Variants in CCDC85A observed in about 807,000 individuals in gnomAD.
CCDC85A encodes coiled-coil domain-containing protein 85A.
CCDC85A carries 38 observed loss-of-function variants against 50.2 expected under a neutral mutation model. That is an observed-to-expected ratio of 0.76 (90% CI 0.58 to 0.99). The LOEUF (loss-of-function observed/expected upper bound fraction) is 0.99, where lower values mean the gene tolerates loss of function less well. Among genes scored for constraint, CCDC85A ranks in the 50% least tolerant of loss-of-function variants. The probability of loss-of-function intolerance (pLI) is 0.00; values close to 1 mark genes in which losing one functional copy is unlikely to be tolerated. For missense variants in CCDC85A, 820 were observed against 742.0 expected, an observed-to-expected ratio of 1.11 and a Z score of -1.22; for synonymous variants, 366 against 301.4, an observed-to-expected ratio of 1.21 and a Z score of -2.22.
intron 2 of CCDC85A, among the ~76,000 whole-genome samples, chr2:56,275,922 C>T (rs984708928): frequency 1.3e-5 from 2 of 152,074 alleles, no homozygotes; most frequent in African/African-American, 2.4e-5. Context: ...TTTGTAGGTC[C>T]CTTTTTGCTA....
At chr2:56,366,267 A>G (rs966859462) in intron 3 of CCDC85A, among the ~76,000 whole-genome samples, 3 of 152,188 alleles carry the variant, frequency 2.0e-5, no homozygotes, top group African/African-American at 7.2e-5. Context: ...ATTTTAATGT[A>G]TACCCAGTAG....
intron 2 of CCDC85A, among the ~76,000 whole-genome samples, chr2:56,338,859 C>T (rs1674215060): frequency 6.6e-6 from 1 of 151,902 alleles, no homozygotes; most frequent in Non-Finnish European, 1.5e-5. Flanking sequence ...TTTTTCTACT[C>T]CACTCCCATT....
intron 4 of CCDC85A, 70 bp from the exon 5 acceptor site, chr2:56,375,746 T>C: frequency 1.3e-6 from 2 of 1,498,748 alleles, no homozygotes; most frequent in South Asian, 1.2e-5. Context: ...TGAAATTGAA[T>C]ATTGAATGAC....
chr2:56,245,391 C>G (rs1430544583), intron 2 of CCDC85A, among the ~76,000 whole-genome samples: 1 of 152,228 alleles, frequency 6.6e-6, no homozygotes, highest in Non-Finnish European at 1.5e-5. Context: ...CCCACAGATT[C>G]CCTCCTCATG....
chr2:56,284,812 A>G (rs1273912925), intron 2 of CCDC85A, among the ~76,000 whole-genome samples: 1 of 152,198 alleles, frequency 6.6e-6, no homozygotes, highest in Non-Finnish European at 1.5e-5. Flanking sequence ...TTTACAACTT[A>G]TCTTCCAAAA....
chr2:56,201,448 C>T (rs980924576), intron 2 of CCDC85A, among the ~76,000 whole-genome samples: 7 of 152,058 alleles, frequency 4.6e-5, no homozygotes, highest in Non-Finnish European at 8.8e-5. Context: ...GCATTAAACT[C>T]AGAATTTTGC....
At chr2:56,355,651 A>G (rs1013488776) in intron 3 of CCDC85A, among the ~76,000 whole-genome samples, 1 of 152,210 alleles carries the variant, frequency 6.6e-6, no homozygotes, top group Admixed American at 6.5e-5. Context: ...TCACCTCTTC[A>G]CTTAAACCCT....
chr2:56,298,480 T>G (rs187484425), intron 2 of CCDC85A, among the ~76,000 whole-genome samples: 447 of 152,304 alleles, frequency 2.9e-3, no homozygotes, highest in Non-Finnish European at 4.7e-3. Flanking sequence ...CAATGAGTAT[T>G]TAGGTCCTAA....
chr2:56,201,077 CACACA>C (rs1442198477), intron 2 of CCDC85A, among the ~76,000 whole-genome samples: 71 of 7,836 alleles, frequency 9.1e-3, no homozygotes, highest in Admixed American at 0.014. Flanking sequence ...CATCTCTCTC[CACACA>C]CACACACACA....
chr2:56,216,404 AC>A (rs2103893143), intron 2 of CCDC85A, among the ~76,000 whole-genome samples: 1 of 151,900 alleles, frequency 6.6e-6, no homozygotes, highest in African/African-American at 2.4e-5. Context: ...AGACTATCGT[AC>A]TACTTAAAAT....
intron 2 of CCDC85A, among the ~76,000 whole-genome samples, chr2:56,297,709 G>T (rs969639809): frequency 2.0e-5 from 3 of 152,162 alleles, no homozygotes; most frequent in Non-Finnish European, 4.4e-5. Context: ...AAAGTATTTG[G>T]TCACTAAATC....
rs374529410 is a variant in CCDC85A at position 56,249,015 on chromosome 2, C to T, written c.1240+55575C>T. On this transcript the variant is annotated intron_variant, in intron 2 of 5. Transcript: ENST00000407595. Reference sequence around the variant, plus strand: ...TTAGGGCGGGACTGTGACCTTCAGTCAAGGAATGAATGCAGCCCAAGATGA... The same window carrying T: ...TTAGGGCGGGACTGTGACCTTCAGTTAAGGAATGAATGCAGCCCAAGATGA... Among the ~76,000 whole-genome samples, 36 of 152,198 alleles carry T rather than the reference C, an allele frequency of 2.4e-4. 1 individual carries two copies. Among genetic ancestry groups the T allele is most frequent in the Admixed American group, 1.7e-3 (26 of 15,282 alleles).
intron 2 of CCDC85A, among the ~76,000 whole-genome samples, chr2:56,289,578 T>C (rs970228924): frequency 2.0e-5 from 3 of 152,018 alleles, no homozygotes; most frequent in Non-Finnish European, 4.4e-5. Flanking sequence ...GAGCACAGGG[T>C]ACAACAGTGG....
intron 3 of CCDC85A, among the ~76,000 whole-genome samples, chr2:56,350,157 T>A (rs1674840847): frequency 7.0e-6 from 1 of 142,406 alleles, no homozygotes; most frequent in South Asian, 2.2e-4. Context: ...CTTTTCCTTT[T>A]TTTTTTCTTC....
chr2:56,251,991 A>G lies in CCDC85A; in HGVS notation c.1240+58551A>G, dbSNP rs138502377. Among the ~76,000 whole-genome samples, 450 of 149,302 alleles carry G rather than the reference A, an allele frequency of 3.0e-3. 2 individuals are homozygous for G. The highest frequency in any genetic ancestry group is 0.01 in the African/African-American group (423 of 40,630). ...TAGTCTGTGCTATTCAGTTTGACCTAGTCTTTTATGTCTCTGTGGGCTTCA... is the reference window on the plus strand; with the variant it reads ...TAGTCTGTGCTATTCAGTTTGACCTGGTCTTTTATGTCTCTGTGGGCTTCA... On this transcript the variant is annotated intron_variant, in intron 2 of 5. Coordinates refer to ENST00000407595, the MANE Select transcript of CCDC85A (RefSeq NM_001080433.2).
At chr2:56,212,091 T>C (rs973194118) in intron 2 of CCDC85A, among the ~76,000 whole-genome samples, 1 of 152,022 alleles carries the variant, frequency 6.6e-6, no homozygotes, top group East Asian at 1.9e-4. Context: ...ACACCCCAAG[T>C]TGGTCTGGTC....
intron 2 of CCDC85A, among the ~76,000 whole-genome samples, chr2:56,319,315 G>C (rs1673059677): frequency 6.6e-6 from 1 of 152,036 alleles, no homozygotes; most frequent in African/African-American, 2.4e-5. Context: ...ACTGGAGCCA[G>C]GATTCAAACC....
chr2:56,209,737 T>G (rs995615278), intron 2 of CCDC85A, among the ~76,000 whole-genome samples: 9 of 152,122 alleles, frequency 5.9e-5, no homozygotes, highest in South Asian at 2.1e-4. Flanking sequence ...GAAGGTAAGA[T>G]CAATCATTTG....
At chr2:56,229,416 G>A (rs866419775) in intron 2 of CCDC85A, among the ~76,000 whole-genome samples, 1 of 152,162 alleles carries the variant, frequency 6.6e-6, no homozygotes, top group South Asian at 2.1e-4. Flanking sequence ...GGCGAGACTA[G>A]TAACATTGTT....
Sources: allele counts gnomAD v4.1 joint callset (sites outside exome capture counted in the v4.1 genomes callset), GRCh38; gene constraint gnomAD v4.1.1; transcripts MANE v1.5; gene names NCBI Gene and HGNC (gene_info 2026-07-23, HGNC 2026-07-21).